The following BCL11B variants were observed in gnomAD, a reference collection of about 807,000 sequenced individuals.
BCL11B encodes the protein BCL11 transcription factor B, also known as B-cell lymphoma/leukemia 11B.
In BCL11B, 8 loss-of-function variants were observed where a neutral mutation model predicts 49.9. The observed-to-expected ratio is 0.16, with a 90% CI of 0.09 to 0.29. The LOEUF is 0.29. BCL11B is among the 10% of genes least tolerant of loss of function. The pLI is 1.00. For synonymous variants in BCL11B, 739 were observed against 637.4 expected (o/e 1.16, Z -2.40); for missense variants, 1,006 against 1,351.0 (o/e 0.74, Z 4.00).
intron 3 of BCL11B, among the ~76,000 whole-genome samples, chr14:99,220,626 A>G (rs1024602938): frequency 3.9e-5 from 6 of 152,156 alleles, no homozygotes; most frequent in Non-Finnish European, 2.9e-5. Context: ...TCTGTTTGGG[A>G]TGATGGAAAA....
At chr14:99,211,473 G>A (rs928508191) in intron 3 of BCL11B, among the ~76,000 whole-genome samples, 2 of 152,224 alleles carry the variant, frequency 1.3e-5, no homozygotes, top group African/African-American at 4.8e-5. Context: ...TCAGGGTATA[G>A]CGTAGAATTG....
At position 99,262,609 on chromosome 14, in the gene BCL11B, G is replaced by C. The variant is rs1889368478; in HGVS notation, c.59-4770C>G. On this transcript the variant is annotated intron_variant, in intron 1 of 3. Coordinates refer to ENST00000357195, the MANE Select transcript of BCL11B (RefSeq NM_138576.4). The surrounding 1 kb of genome is among the most constrained non-coding windows in gnomAD (Gnocchi z 4.2). ...AAATGTTCAGCATCCATCCGCCCGAGCTCTGCATCCGACTGGAGACTTTAC... is the reference window on the plus strand; with the variant it reads ...AAATGTTCAGCATCCATCCGCCCGACCTCTGCATCCGACTGGAGACTTTAC... Among the ~76,000 whole-genome samples, 1 of 152,178 alleles carries C rather than the reference G, an allele frequency of 6.6e-6. No individual in the cohort carries two copies.
At chr14:99,222,913 C>T (rs1393679379) in intron 3 of BCL11B, among the ~76,000 whole-genome samples, 1 of 150,888 alleles carries the variant, frequency 6.6e-6, no homozygotes, top group African/African-American at 2.4e-5. Flanking sequence ...CTCTTTCTGT[C>T]TGCTACAAGT....
At chr14:99,201,013 G>A (rs1445942272) in intron 3 of BCL11B, among the ~76,000 whole-genome samples, 1 of 152,190 alleles carries the variant, frequency 6.6e-6, no homozygotes, top group African/African-American at 2.4e-5. Flanking sequence ...CGCAGCATGG[G>A]AGGAGAAGCC....
At chr14:99,260,727 T>C (rs1889311693) in intron 1 of BCL11B, among the ~76,000 whole-genome samples, 1 of 152,122 alleles carries the variant, frequency 6.6e-6, no homozygotes. Context: ...ACTTTCCTCA[T>C]GCAGCAGCCC....
chr14:99,250,202 A>AT (rs1282228910), intron 2 of BCL11B, among the ~76,000 whole-genome samples: 1 of 151,500 alleles, frequency 6.6e-6, no homozygotes, highest in African/African-American at 2.4e-5. Flanking sequence ...TGCCCAGCTA[A>AT]TTTTTTGTAT....
At chr14:99,201,679 G>A (rs1887388769) in intron 3 of BCL11B, among the ~76,000 whole-genome samples, 1 of 152,214 alleles carries the variant, frequency 6.6e-6, no homozygotes, top group South Asian at 2.1e-4. Flanking sequence ...CATCCCAGAA[G>A]TGTCTCCTTG....
chr14:99,270,608 G>A (rs1334624960), intron 1 of BCL11B, among the ~76,000 whole-genome samples: 2 of 151,906 alleles, frequency 1.3e-5, no homozygotes, highest in African/African-American at 4.8e-5. Flanking sequence ...CACCCTGCTG[G>A]GCCGGGCGCA....
At chr14:99,266,233 G>A (rs1889478894) in intron 1 of BCL11B, among the ~76,000 whole-genome samples, 2 of 152,170 alleles carry the variant, frequency 1.3e-5, no homozygotes, top group Non-Finnish European at 2.9e-5. Flanking sequence ...CATAAAATTT[G>A]AGCTAAAAGG....
chr14:99,261,836 T>C (rs1889346241), intron 1 of BCL11B, among the ~76,000 whole-genome samples: 2 of 152,160 alleles, frequency 1.3e-5, no homozygotes, highest in South Asian at 4.1e-4. Flanking sequence ...TGAGGCGGAT[T>C]CTGAAATGCT....
intron 3 of BCL11B, among the ~76,000 whole-genome samples, chr14:99,218,061 G>GTT (rs35487573): frequency 4.4e-3 from 514 of 116,894 alleles, no homozygotes; most frequent in African/African-American, 5.6e-3. Context: ...ATCATTGCAG[G>GTT]TTTTTTTTTT....
chr14:99,185,136 C>A (rs992606066), intron 3 of BCL11B, among the ~76,000 whole-genome samples: 1 of 152,040 alleles, frequency 6.6e-6, no homozygotes, highest in African/African-American at 2.4e-5. Flanking sequence ...AGGAGGCAGG[C>A]AGCAAAACTA....
In BCL11B at chr14:99,175,798, G is replaced by C; in HGVS notation, c.1038C>G (p.Asp346Glu). 1 of 1,473,372 alleles carries C rather than the reference G, an allele frequency of 6.8e-7. No individual in the cohort carries two copies. 91.3% of individuals were successfully genotyped at this position (1,473,372 alleles called of 1,614,324 possible). A position where few individuals can be genotyped will look rare whatever the true frequency, so the allele number is the denominator to read the frequency against. ...CCATGGGGTTCAGGCGCATGACTCG[G>C]TCGAAGGCACTGGGGTGCTGGGCGA... ...GLVAQHPSAF[D>E]RVMRLNPMAI... is the part of the protein sequence containing the mutation. The change falls in exon 4 of 4, where the codon GAC becomes GAG. Residue 346 changes from aspartate to glutamate, a missense_variant. By Grantham distance (45) the Asp-to-Glu change is conservative (BLOSUM62 2). Around this residue, in one of 6 missense-constraint regions of BCL11B, gnomAD observed 411 missense variants for 542.2 expected, o/e 0.76. Coordinates refer to ENST00000357195, the MANE Select transcript of BCL11B (RefSeq NM_138576.4).
chr14:99,249,928 G>A (rs1888956060), intron 2 of BCL11B, among the ~76,000 whole-genome samples: 1 of 151,900 alleles, frequency 6.6e-6, no homozygotes, highest in Non-Finnish European at 1.5e-5. Flanking sequence ...AGGAGTTTGA[G>A]ACCAGCCTGG....
intron 3 of BCL11B, among the ~76,000 whole-genome samples, chr14:99,211,445 C>T (rs1385309174): frequency 6.6e-6 from 1 of 152,220 alleles, no homozygotes; most frequent in Non-Finnish European, 1.5e-5. Flanking sequence ...TCATGGCAGC[C>T]GGCCACAGAG....
Position 99,174,532 on chromosome 14 carries a change from G to A in BCL11B, c.2304C>T (p.Ser768=). The A allele has an allele frequency of 1.3e-6, 2 of 1,514,276 alleles. No individual in the cohort carries two copies. Among genetic ancestry groups the A allele is most frequent in the African/African-American group, 1.4e-5 (1 of 69,526 alleles). The allele number at this position is 1,514,276 out of a possible 1,614,324, so 93.8% of individuals were successfully genotyped here. ...DLLDGGLSGR[S]GTASGGSTPH... ...GGGTGCTGCCTCCGCTGGCCGTGCC[G>A]CTGCGGCCCGAGAGGCCGCCGTCCA... is the stretch of plus-strand genomic sequence containing the variant. Residue 768 remains serine, a synonymous_variant, in exon 4 of 4, where the codon AGC becomes AGT. Coordinates refer to ENST00000357195, the MANE Select transcript of BCL11B (RefSeq NM_138576.4).
chr14:99,246,649 G>C (rs1458307587), intron 2 of BCL11B, among the ~76,000 whole-genome samples: 1 of 152,230 alleles, frequency 6.6e-6, no homozygotes, highest in Admixed American at 6.5e-5. Flanking sequence ...CTCGGGGAAG[G>C]CCATTGTGTT....
chr14:99,234,162 G>A (rs758936305), intron 2 of BCL11B, among the ~76,000 whole-genome samples: 3 of 152,164 alleles, frequency 2.0e-5, no homozygotes. Flanking sequence ...GGAGCCAGTA[G>A]GGGTGTGAGG....
chr14:99,223,313 C>G (rs1325956181), intron 3 of BCL11B, among the ~76,000 whole-genome samples: 1 of 152,220 alleles, frequency 6.6e-6, no homozygotes, highest in African/African-American at 2.4e-5. Flanking sequence ...TTACATAGAA[C>G]CATTTTTTAA....
Sources: allele counts gnomAD v4.1 joint callset (sites outside exome capture counted in the v4.1 genomes callset), GRCh38; gene constraint gnomAD v4.1.1; regional missense constraint gnomAD v4.1.1; non-coding constraint Gnocchi (gnomAD v3.1); transcripts MANE v1.5; gene names NCBI Gene and HGNC (gene_info 2026-07-23, HGNC 2026-07-21).